SLC18A1: variants seen among roughly 807,000 people sequenced by gnomAD.
SLC18A1 encodes the protein solute carrier family 18 member A1, also known as chromaffin granule amine transporter.
A neutral mutation model predicts 53.7 loss-of-function variants in SLC18A1; 69 were observed. The ratio of observed to expected loss-of-function variants is 1.28; its 90% CI spans 1.06 to 1.57. The LOEUF (loss-of-function observed/expected upper bound fraction) is 1.57. Among genes scored for constraint, SLC18A1 ranks in the 40% most tolerant of loss-of-function variants. SLC18A1 has a pLI of 0.00. For missense variants in SLC18A1, 932 were observed against 668.1 expected (o/e 1.40, Z -4.35); for synonymous variants, 320 against 248.1 (o/e 1.29, Z -2.72).
chr8:20,173,907 T>G (rs1327191674), intron 5 of SLC18A1, among the ~76,000 whole-genome samples: 1 of 151,192 alleles, frequency 6.6e-6, no homozygotes, highest in Non-Finnish European at 1.5e-5. Flanking sequence ...TTTTTTTTTT[T>G]TTTTTTTGAG....
chr8:20,177,878 C>G (rs546624820), intron 4 of SLC18A1, among the ~76,000 whole-genome samples: 1 of 152,230 alleles, frequency 6.6e-6, no homozygotes, highest in African/African-American at 2.4e-5. Flanking sequence ...AAACATTTAG[C>G]TGATCCTGGA....
chr8:20,148,661 T>C, intron 12 of SLC18A1: 1 of 408,556 alleles, frequency 2.4e-6, no homozygotes, highest in Non-Finnish European at 4.8e-6. Context: ...CAAAAACCCC[T>C]TCTTCCCTCT....
intron 15 of SLC18A1, among the ~76,000 whole-genome samples, chr8:20,146,822 CA>C (rs10604873): frequency 0.45 from 61,589 of 137,406 alleles, 13,440 homozygotes; most frequent in Middle Eastern, 0.57. Flanking sequence ...GAAACTCCAT[CA>C]AAAAAAAAAA....
chr8:20,160,162 G>C (rs567655911), intron 10 of SLC18A1, among the ~76,000 whole-genome samples: 3 of 149,972 alleles, frequency 2.0e-5, no homozygotes, highest in Admixed American at 6.6e-5. Context: ...TATTTGTGTA[G>C]GCTATCCTGG....
chr8:20,148,112 G>A, intron 12 of SLC18A1, 42 bp from the exon 13 acceptor site: 2 of 1,578,556 alleles, frequency 1.3e-6, no homozygotes, highest in South Asian at 2.2e-5. Flanking sequence ...CTCCAGATGG[G>A]TCAGGTGGGA....
chr8:20,173,505 A>C, intron 5 of SLC18A1, among the ~76,000 whole-genome samples: 1 of 152,220 alleles, frequency 6.6e-6, no homozygotes, highest in East Asian at 1.9e-4. Flanking sequence ...TCTATTTAAC[A>C]GGGGTGCCCA....
At chr8:20,153,110 A>T (rs565105017) in intron 10 of SLC18A1, among the ~76,000 whole-genome samples, 1 of 151,372 alleles carries the variant, frequency 6.6e-6, no homozygotes, top group Non-Finnish European at 1.5e-5. Context: ...TTTGGAAAAG[A>T]AGAAGGAGGA....
At chr8:20,172,412 G>T (rs1471979853) in intron 6 of SLC18A1, among the ~76,000 whole-genome samples, 1 of 152,190 alleles carries the variant, frequency 6.6e-6, no homozygotes, top group African/African-American at 2.4e-5. Flanking sequence ...GCTCCTAGAG[G>T]GCAGGAACTA....
In SLC18A1 at chr8:20,147,305, G is replaced by A. The variant is rs2071425383; in HGVS notation, c.1417C>T (p.Pro473Ser). The A allele has an allele frequency of 6.2e-7, 1 of 1,613,506 alleles. No individual in the cohort carries two copies. Among genetic ancestry groups the A allele is most frequent in the Non-Finnish European group, 8.5e-7 (1 of 1,179,854 alleles). ...ITGVINIVYA[P>S]LCYYLRSPPA... The stretch of plus-strand genomic sequence containing the variant: ...GGGCTCCGCAGGTAGTAGCAGAGTG[G>A]AGCATAGACGATGTTGATGACCCCA... Residue 473 changes from proline (P) to serine (S), a missense_variant, in exon 15 of 16, where the codon CCA becomes TCA. Pro to Ser is a moderately conservative substitution (Grantham distance 74). Coordinates refer to ENST00000276373, the MANE Select transcript of SLC18A1 (RefSeq NM_003053.4).
intron 10 of SLC18A1, among the ~76,000 whole-genome samples, chr8:20,154,509 G>A (rs139586315): frequency 6.6e-6 from 1 of 152,180 alleles, no homozygotes; most frequent in Non-Finnish European, 1.5e-5. Flanking sequence ...GGAGAATAGA[G>A]AAGAAATGAC....
intron 10 of SLC18A1, among the ~76,000 whole-genome samples, chr8:20,162,051 AC>A (rs1409032018): frequency 4.6e-5 from 7 of 152,168 alleles, no homozygotes; most frequent in Non-Finnish European, 1.0e-4. Flanking sequence ...ACCAAGGCTT[AC>A]CACTTGCACC....
Position 20,146,470 on chromosome 8 carries a change from A to T in SLC18A1, c.1465-594T>A, listed in dbSNP as rs6997277. The stretch of plus-strand genomic sequence containing the variant: ...CACCACCACTCCCTATCACACCTTC[A>T]TGTCTTCTTTTGTTCCCTTGAGCAG... On this transcript the variant is annotated intron_variant, in intron 15 of 15. Transcript: ENST00000276373. Among the ~76,000 whole-genome samples, 406 of 152,172 alleles carry T rather than the reference A, an allele frequency of 2.7e-3. 1 individual carries two copies. Among genetic ancestry groups the T allele is most frequent in the African/African-American group, 9.1e-3 (376 of 41,526 alleles).
intron 10 of SLC18A1, among the ~76,000 whole-genome samples, chr8:20,151,872 C>T (rs764781432): frequency 1.7e-4 from 26 of 152,224 alleles, no homozygotes; most frequent in South Asian, 6.2e-4. Context: ...GGGAATACAG[C>T]GGTGAATAAG....
At chr8:20,154,781 C>T (rs1481369786) in intron 10 of SLC18A1, among the ~76,000 whole-genome samples, 1 of 152,196 alleles carries the variant, frequency 6.6e-6, no homozygotes, top group East Asian at 1.9e-4. Context: ...GATCTTGCAA[C>T]TGTACACTCT....
At chr8:20,170,820 A>T (rs997752598) in intron 8 of SLC18A1, among the ~76,000 whole-genome samples, 1 of 138,766 alleles carries the variant, frequency 7.2e-6, no homozygotes, top group Admixed American at 7.4e-5. Flanking sequence ...TACATACCCC[A>T]TATATGTGTC....
At chr8:20,177,323 G>A (rs1380945351) in intron 4 of SLC18A1, among the ~76,000 whole-genome samples, 3 of 152,160 alleles carry the variant, frequency 2.0e-5, no homozygotes, top group African/African-American at 7.2e-5. Flanking sequence ...TAGGAATCAA[G>A]TTCTGTGCTG....
Position 20,148,072 on chromosome 8 carries a change from T to C in SLC18A1, c.1147-2A>G. 1 of 1,614,038 alleles carries C rather than the reference T, an allele frequency of 6.2e-7. No individual in the cohort carries two copies. The highest frequency in any genetic ancestry group is 8.5e-7 in the Non-Finnish European group (1 of 1,179,914). On this transcript the variant is annotated splice_acceptor_variant, in intron 12 of 15. Transcript: ENST00000276373. LOFTEE classifies it high-confidence loss of function. ...AAAAATATTGTGAGCCAGAGGAACC[T>C]GCATGGGGAAGGAGGAAGAGTCATC...
intron 10 of SLC18A1, among the ~76,000 whole-genome samples, chr8:20,155,217 C>G (rs2071653227): frequency 6.6e-6 from 1 of 152,206 alleles, no homozygotes; most frequent in Non-Finnish European, 1.5e-5. Context: ...CCTCCAGTAA[C>G]ATCTGGTGGC....
Position 20,156,940 on chromosome 8 carries a change from C to T in SLC18A1, c.1016-6196G>A, listed in dbSNP as rs372700595. Reference sequence around the variant, plus strand: ...CCCAGCTCAAGAACTCACCCCTGATCGCAAAGGCAATGTTGGGCACGCTGG... The same window carrying T: ...CCCAGCTCAAGAACTCACCCCTGATTGCAAAGGCAATGTTGGGCACGCTGG... On this transcript the variant is annotated intron_variant, in intron 10 of 15. Coordinates refer to ENST00000276373, the MANE Select transcript of SLC18A1 (RefSeq NM_003053.4). 1.1e-4 allele frequency among the ~76,000 whole-genome samples: 16 copies of T among 152,290 alleles called. No individual in the cohort carries two copies. The South Asian group carries it at 1.9e-3, about 18-fold the overall frequency.
Sources: gnomAD v4.1 joint callset for allele counts (sites outside exome capture counted in the v4.1 genomes callset) on GRCh38, gnomAD v4.1.1 for gene constraint, MANE v1.5 for transcripts, NCBI Gene and HGNC (gene_info 2026-07-23, HGNC 2026-07-21) for gene names.